Variants in FAT1 observed in about 807,000 individuals in gnomAD.
FAT1 encodes the protein FAT atypical cadherin 1, also known as protocadherin Fat 1.
In FAT1, 171 loss-of-function variants were observed where a neutral mutation model predicts 329.8. That is an observed-to-expected ratio of 0.52 (90% CI 0.46 to 0.59). The LOEUF is 0.59. FAT1 is among the 20% of genes least tolerant of loss of function. The pLI is 0.00. For synonymous variants in FAT1, 2,233 were observed against 2,228.6 expected (o/e 1.00, Z -0.06); for missense variants, 5,672 against 5,774.4 (o/e 0.98, Z 0.57).
rs2126616931 is a variant in FAT1 at position 186,663,365 on chromosome 4, C to G, written c.3514G>C (p.Asp1172His). ...CTTGTAATTTTGTACATGAGCTTGT[C>G]ATTAGAGCTCGAATCTGGATCAAAT... ...EAFDPDSSSNDKLMYKITSGN... is the reference protein window; with the variant it reads ...EAFDPDSSSNHKLMYKITSGN... The change falls in exon 3 of 27, where the codon GAC (aspartate) becomes CAC (histidine). Residue 1172 changes from aspartate (D) to histidine (H), a missense_variant. Coordinates refer to ENST00000441802, the MANE Select transcript of FAT1 (RefSeq NM_005245.4). The G allele has an allele frequency of 6.2e-7, 1 of 1,614,018 alleles. No individual in the cohort carries two copies. Among genetic ancestry groups the G allele is most frequent in the Non-Finnish European group, 8.5e-7 (1 of 1,179,888 alleles).
chr4:186,661,788 C>T lies in FAT1; in HGVS notation c.3580+1511G>A, dbSNP rs143413511. ...CTTGGAGCTGGTGGGTCAGGAGTTT[C>T]GGAGGCCTGGGCTTGAAGAGAGGTT... is the stretch of plus-strand genomic sequence containing the variant. On this transcript the variant is annotated intron_variant, in intron 3 of 26. Coordinates refer to ENST00000441802, the MANE Select transcript of FAT1 (RefSeq NM_005245.4). Among the ~76,000 whole-genome samples, 534 of 152,178 alleles carry T rather than the reference C, an allele frequency of 3.5e-3. 5 individuals are homozygous for T. The highest frequency in any genetic ancestry group is 5.3e-3 in the Non-Finnish European group (360 of 67,998).
chr4:186,687,482 T>C (rs554824069), intron 2 of FAT1, among the ~76,000 whole-genome samples: 1 of 152,318 alleles, frequency 6.6e-6, no homozygotes, highest in East Asian at 1.9e-4. Context: ...GCAACAGAGA[T>C]ACACACAAAC....
chr4:186,628,312 T>C lies in FAT1; in HGVS notation c.4652A>G (p.Asn1551Ser), dbSNP rs772876408. 7 of 1,613,486 alleles carry C rather than the reference T, an allele frequency of 4.3e-6. No individual in the cohort carries two copies. The highest frequency in any genetic ancestry group is 5.9e-6 in the Non-Finnish European group (7 of 1,179,730). ...GGCGTGGTCATTCGTGTCGCTGACA[T>C]TGACCACAATCCTTGCAAAGTTGCG... is the stretch of plus-strand genomic sequence containing the variant. ...VKRNFARIVV[N>S]VSDTNDHAPW... Residue 1551 changes from asparagine to serine, a missense_variant, in exon 9 of 27, where the codon AAT becomes AGT. By Grantham distance (46) the Asn-to-Ser change is conservative. This residue lies in a region of FAT1 where 3,966 missense variants were observed against 3,915.2 expected (regional missense o/e 1.01). Transcript: ENST00000441802.
chr4:186,669,130 C>T (rs2126629139), intron 2 of FAT1, among the ~76,000 whole-genome samples: 1 of 152,316 alleles, frequency 6.6e-6, no homozygotes, highest in African/African-American at 2.4e-5. Context: ...TCTTCGGCAT[C>T]TCCTCCCCTC....
intron 2 of FAT1, among the ~76,000 whole-genome samples, chr4:186,680,157 T>C (rs1743144252): frequency 6.6e-6 from 1 of 152,220 alleles, no homozygotes; most frequent in Non-Finnish European, 1.5e-5. Flanking sequence ...GCTCCCTTGA[T>C]AAGCCTATTT....
rs1271803384 is a variant in FAT1, at chr4:186,710,733, C to G, written c.-18-888G>C. Among the ~76,000 whole-genome samples the G allele has an allele frequency of 2.6e-5, 4 of 152,254 alleles. No individual in the cohort carries two copies. The East Asian group carries it at 7.7e-4, about 29-fold the overall frequency. ...GAACAACCTGTCACCCTGGGCCCCT[C>G]CATGAGAAGATGACACACACACACA... On this transcript the variant is annotated intron_variant, in intron 1 of 26. Transcript: ENST00000441802.
In FAT1 at chr4:186,595,744, G is replaced by A. The variant is rs2126382361; in HGVS notation, c.13083C>T (p.Ser4361=). 6.2e-7 allele frequency: 1 copy of A among 1,613,960 alleles called. No individual in the cohort carries two copies. Among genetic ancestry groups the A allele is most frequent in the Admixed American group, 1.7e-5 (1 of 60,022 alleles). Residue 4361 remains serine (S), a synonymous_variant, in exon 26 of 27, where the codon AGC becomes AGT. Transcript: ENST00000441802. ...KPSQPYSARE[S]LSEVQSLSSF... ...AGCTCAGAGACTGCACTTCAGACAG[G>A]CTTTCCCGGGCACTGTATGGCTGGG...
chr4:186,634,190 C>G (rs181705596), intron 6 of FAT1, among the ~76,000 whole-genome samples: 1 of 152,184 alleles, frequency 6.6e-6, no homozygotes, highest in Non-Finnish European at 1.5e-5. Flanking sequence ...TACTTACTAA[C>G]AAAACTTTCT....
Position 186,707,417 on chromosome 4 carries a change from G to A in FAT1, c.2411C>T (p.Ala804Val), listed in dbSNP as rs549553973. The A allele has an allele frequency of 5.3e-5, 86 of 1,614,008 alleles. No individual in the cohort carries two copies. In the Admixed American group the frequency reaches 5.7e-4, roughly 11 times the overall value. Residue 804 changes from alanine (A) to valine (V), a missense_variant, in exon 2 of 27, where the codon GCG (alanine) becomes GTG (valine). Around this residue, in one of 2 missense-constraint regions of FAT1, gnomAD observed 3,966 missense variants for 3,915.2 expected, o/e 1.01. Coordinates refer to ENST00000441802, the MANE Select transcript of FAT1 (RefSeq NM_005245.4). ...AACCACGACATGTAGAAGACGCCAC[G>A]CAGCCTTCTGGGGTATCCCAAGGTC... ...VYDLGIPQKA[A>V]WRLLHVVVVD...
intron 14 of FAT1, among the ~76,000 whole-genome samples, chr4:186,610,646 TTTATATAAATATAAATTA>T (rs1739380164): frequency 1.2e-5 from 1 of 84,678 alleles, no homozygotes; most frequent in East Asian, 5.1e-4. Flanking sequence ...ATTTATATAA[TTTATATAAATATAAATTA>T]TATAATTTAT....
At chr4:186,601,191 A>G in intron 21 of FAT1, 78 bp downstream of exon 21, 1 of 1,310,004 alleles carries the variant, frequency 7.6e-7, no homozygotes, top group Non-Finnish European at 1.0e-6. Flanking sequence ...TATCTGTGCA[A>G]ATTAACAATC....
chr4:186,631,565 A>T (rs879593708), intron 7 of FAT1, among the ~76,000 whole-genome samples: 1 of 150,034 alleles, frequency 6.7e-6, no homozygotes, highest in Non-Finnish European at 1.5e-5. Flanking sequence ...TGCCCAGCTG[A>T]TCCCTCTGCT....
intron 2 of FAT1, among the ~76,000 whole-genome samples, chr4:186,673,834 G>A (rs1742836296): frequency 6.6e-6 from 1 of 152,158 alleles, no homozygotes; most frequent in Admixed American, 6.5e-5. Flanking sequence ...GCTTTGTTGA[G>A]GAATGATTCC....
chr4:186,643,803 C>T (rs1192470334), intron 3 of FAT1, among the ~76,000 whole-genome samples: 2 of 148,624 alleles, frequency 1.3e-5, no homozygotes. Flanking sequence ...CCCCCACCCC[C>T]ACCCACTTGA....
chr4:186,724,413 C>G (rs567489135), upstream of FAT1, among the ~76,000 whole-genome samples: 1 of 152,146 alleles, frequency 6.6e-6, no homozygotes, highest in Non-Finnish European at 1.5e-5. The surrounding 1 kb of genome is among the most constrained non-coding windows in gnomAD (Gnocchi z 5.3). Flanking sequence ...AACGCTTCCC[C>G]CGCGACCTTT....
intron 11 of FAT1, among the ~76,000 whole-genome samples, chr4:186,614,746 C>T (rs1739624370): frequency 6.6e-6 from 1 of 152,166 alleles, no homozygotes. Context: ...TTTCCAAATA[C>T]AGGAATTTAT....
At chr4:186,606,327 T>G in intron 16 of FAT1, 114 bp from the exon 17 acceptor site, 1 of 1,071,166 alleles carries the variant, frequency 9.3e-7, no homozygotes, top group Non-Finnish European at 1.3e-6. Context: ...TACCACTATC[T>G]GTTGCATCCT....
intron 2 of FAT1, among the ~76,000 whole-genome samples, chr4:186,682,426 C>G (rs581869): frequency 2.7e-5 from 4 of 149,348 alleles, no homozygotes; most frequent in Non-Finnish European, 4.4e-5. Flanking sequence ...ACTCGGGAGG[C>G]TGAGGCAGGA....
At chr4:186,615,983 C>T (rs1739692174) in intron 11 of FAT1, among the ~76,000 whole-genome samples, 1 of 152,138 alleles carries the variant, frequency 6.6e-6, no homozygotes, top group Admixed American at 6.5e-5. Flanking sequence ...GGCTCAGACT[C>T]CTCTTTGCCA....
Sources: allele counts gnomAD v4.1 joint callset (sites outside exome capture counted in the v4.1 genomes callset), GRCh38; gene constraint gnomAD v4.1.1; regional missense constraint gnomAD v4.1.1; non-coding constraint Gnocchi (gnomAD v3.1); transcripts MANE v1.5; gene names NCBI Gene and HGNC (gene_info 2026-07-23, HGNC 2026-07-21).